The following EIF4G3 variants were observed in gnomAD, a reference collection of about 807,000 sequenced individuals.
EIF4G3 encodes the protein eIF-4-gamma 3.
EIF4G3 carries 34 observed loss-of-function variants against 186.4 expected under a neutral mutation model. That is an observed-to-expected ratio of 0.18 (90% CI 0.14 to 0.24). EIF4G3 has a LOEUF of 0.24. Among genes scored for constraint, EIF4G3 ranks in the 10% least tolerant of loss-of-function variants. The pLI, the probability that EIF4G3 is intolerant of heterozygous loss-of-function variation, is 1.00. For missense variants in EIF4G3, 1,536 were observed against 1,948.5 expected (o/e 0.79, Z 3.99); for synonymous variants, 673 against 679.5 (o/e 0.99, Z 0.15).
intron 12 of EIF4G3, among the ~76,000 whole-genome samples, chr1:20,958,227 T>C (rs1406611142): frequency 6.6e-6 from 1 of 152,166 alleles, no homozygotes; most frequent in Non-Finnish European, 1.5e-5. Context: ...ATTTCAAGGA[T>C]GCAGAGATGG....
At chr1:21,045,063 T>C (rs967496926) in intron 4 of EIF4G3, among the ~76,000 whole-genome samples, 4 of 152,072 alleles carry the variant, frequency 2.6e-5, no homozygotes, top group Admixed American at 2.6e-4. Flanking sequence ...AAGGCTGCAG[T>C]GAGCTATGAT....
intron 33 of EIF4G3, among the ~76,000 whole-genome samples, chr1:20,818,165 G>A (rs2061516237): frequency 6.6e-6 from 1 of 152,018 alleles, no homozygotes; most frequent in Admixed American, 6.6e-5. Context: ...GGCAGGATAG[G>A]AGCCCTAGAA....
chr1:20,914,251 T>C (rs190463084), intron 14 of EIF4G3, among the ~76,000 whole-genome samples: 2 of 152,228 alleles, frequency 1.3e-5, no homozygotes, highest in East Asian at 1.9e-4. Flanking sequence ...TACGTAGCCC[T>C]ACCTGGCAAA....
At chr1:21,136,916 G>A (rs2097256309) in intron 2 of EIF4G3, among the ~76,000 whole-genome samples, 1 of 152,172 alleles carries the variant, frequency 6.6e-6, no homozygotes, top group Non-Finnish European at 1.5e-5. Flanking sequence ...GTTACTGTAA[G>A]TGTAAAACAT....
At chr1:20,917,056 T>A (rs2093955314) in intron 14 of EIF4G3, among the ~76,000 whole-genome samples, 1 of 152,228 alleles carries the variant, frequency 6.6e-6, no homozygotes. Context: ...TCACAGCAAC[T>A]TTATTTGTAA....
At chr1:20,949,409 T>C (rs2096108170) in intron 13 of EIF4G3, among the ~76,000 whole-genome samples, 1 of 152,166 alleles carries the variant, frequency 6.6e-6, no homozygotes, top group Non-Finnish European at 1.5e-5. Flanking sequence ...ACTAAGCACT[T>C]TTCCTGTGAT....
chr1:21,102,205 C>T (rs2096540870), intron 2 of EIF4G3, among the ~76,000 whole-genome samples: 1 of 152,196 alleles, frequency 6.6e-6, no homozygotes, highest in East Asian at 1.9e-4. Flanking sequence ...AATCCCACCA[C>T]TTTGGGAGGC....
intron 2 of EIF4G3, among the ~76,000 whole-genome samples, chr1:21,173,557 AC>A (rs2098035346): frequency 6.6e-6 from 1 of 151,826 alleles, no homozygotes; most frequent in South Asian, 2.1e-4. Context: ...ACCTGGTGGC[AC>A]ACGCCTGTAA....
chr1:20,959,293 C>T (rs990150282), intron 12 of EIF4G3, among the ~76,000 whole-genome samples: 1 of 152,020 alleles, frequency 6.6e-6, no homozygotes, highest in African/African-American at 2.4e-5. Flanking sequence ...GAGGAATAGA[C>T]ACCCTATTTA....
intron 4 of EIF4G3, among the ~76,000 whole-genome samples, chr1:21,040,357 C>G (rs1275870127): frequency 2.0e-5 from 3 of 152,176 alleles, no homozygotes; most frequent in Non-Finnish European, 4.4e-5. Flanking sequence ...GCTCTGTGCC[C>G]CTTCCCCCAT....
At chr1:21,169,290 A>T (rs1359767440) in intron 2 of EIF4G3, among the ~76,000 whole-genome samples, 1 of 152,000 alleles carries the variant, frequency 6.6e-6, no homozygotes, top group Non-Finnish European at 1.5e-5. Flanking sequence ...ACCTCTACCC[A>T]AAATACAAAA....
In EIF4G3 at chr1:20,813,185, T is replaced by C. The variant is rs1426179498; in HGVS notation, c.4570A>G (p.Thr1524Ala). The change falls in exon 35 of 37, where the codon ACT (threonine) becomes GCT (alanine). Residue 1524 changes from threonine to alanine, a missense_variant. By Grantham distance (58) the Thr-to-Ala change is moderately conservative. Coordinates refer to ENST00000602326, the MANE Select transcript of EIF4G3 (RefSeq NM_001391906.1). Reference protein sequence around the residue: ...SSPTFLRALMTAVCKAAIIAD... With the variant: ...SSPTFLRALMAAVCKAAIIAD... ...ATAATAGCTGCTTTACAAACAGCAG[T>C]CATTAAAGCTCTAAGGAATGTAGGT... The C allele has an allele frequency of 6.2e-7, 1 of 1,613,414 alleles. No individual in the cohort carries two copies. Among genetic ancestry groups the C allele is most frequent in the Non-Finnish European group, 8.5e-7 (1 of 1,179,614 alleles).
intron 2 of EIF4G3, among the ~76,000 whole-genome samples, chr1:21,118,953 AAAGAG>A (rs1167619874): frequency 4.7e-5 from 7 of 150,438 alleles, no homozygotes; most frequent in Admixed American, 3.3e-4. Flanking sequence ...AAAAAAAAAA[AAAGAG>A]AAGAAATTTT....
rs55742229 is a variant in EIF4G3 at position 20,829,832 on chromosome 1, T to G, written c.4062-560A>C. On this transcript the variant is annotated intron_variant, in intron 30 of 36. Transcript: ENST00000602326. ...TTATTACATGTTACGAACTGTTCTA[T>G]CTCTACAGAAAAGCTAATGGTTTCA... 3.8e-3 allele frequency among the ~76,000 whole-genome samples: 574 copies of G among 152,314 alleles called. 3 individuals are homozygous for G. Among genetic ancestry groups the G allele is most frequent in the African/African-American group, 0.013 (536 of 41,580 alleles).
chr1:20,886,198 C>G lies in EIF4G3; in HGVS notation c.2424+3G>C. On this transcript the variant is annotated splice_donor_region_variant and intron_variant, in intron 19 of 36. Coordinates refer to ENST00000602326, the MANE Select transcript of EIF4G3 (RefSeq NM_001391906.1). ...GAATGTTAGGATATGCTTTTGTTCT[C>G]ACCTGGGTTTTAATGTTTTCGGGAT... is the stretch of plus-strand genomic sequence containing the variant. 3 of 1,610,750 alleles carry G rather than the reference C, an allele frequency of 1.9e-6. No homozygotes were observed. Among genetic ancestry groups the G allele is most frequent in the Non-Finnish European group, 2.5e-6 (3 of 1,179,034 alleles).
chr1:20,977,945 T>G (rs1323834624), intron 10 of EIF4G3, among the ~76,000 whole-genome samples: 1 of 152,156 alleles, frequency 6.6e-6, no homozygotes, highest in Non-Finnish European at 1.5e-5. Flanking sequence ...GCATAATCAC[T>G]AAGTAAAAAA....
At chr1:21,008,865 G>C (rs557290523) in intron 4 of EIF4G3, among the ~76,000 whole-genome samples, 1 of 152,120 alleles carries the variant, frequency 6.6e-6, no homozygotes, top group Non-Finnish European at 1.5e-5. Flanking sequence ...TTAATAAATT[G>C]TGTTGAGAAA....
intron 16 of EIF4G3, among the ~76,000 whole-genome samples, chr1:20,895,947 G>A (rs2154556082): frequency 1.0e-5 from 1 of 98,976 alleles, no homozygotes; most frequent in Non-Finnish European, 2.2e-5. Context: ...CCAGAGGAAG[G>A]CACTGTTATA....
At chr1:20,947,332 A>G (rs565512596) in intron 13 of EIF4G3, among the ~76,000 whole-genome samples, 3 of 152,116 alleles carry the variant, frequency 2.0e-5, no homozygotes, top group African/African-American at 7.2e-5. Flanking sequence ...TGATAGAACG[A>G]AACCCTGTCT....
Sources: gnomAD v4.1 joint callset for allele counts (sites outside exome capture counted in the v4.1 genomes callset) on GRCh38, gnomAD v4.1.1 for gene constraint, MANE v1.5 for transcripts, NCBI Gene and HGNC (gene_info 2026-07-23, HGNC 2026-07-21) for gene names.